C8orf34: variants seen among roughly 807,000 people sequenced by gnomAD.
C8orf34 encodes chromosome 8 open reading frame 34.
In C8orf34, 65 loss-of-function variants were observed where a neutral mutation model predicts 68.3. That is an observed-to-expected ratio of 0.95 (90% CI 0.78 to 1.17). The LOEUF (loss-of-function observed/expected upper bound fraction) is 1.17. Among genes scored for constraint, C8orf34 ranks in the 50% most tolerant of loss-of-function variants. C8orf34 has a pLI of 0.00. For synonymous variants in C8orf34, 244 were observed against 241.2 expected, an observed-to-expected ratio of 1.01 and a Z score of -0.11; for missense variants, 664 against 655.4, an observed-to-expected ratio of 1.01 and a Z score of -0.14.
intron 7 of C8orf34, among the ~76,000 whole-genome samples, chr8:68,637,076 C>T (rs1818868568): frequency 6.6e-6 from 1 of 152,036 alleles, no homozygotes; most frequent in South Asian, 2.1e-4. Context: ...TTCACTGATC[C>T]AAGTATAGCA....
intron 10 of C8orf34, among the ~76,000 whole-genome samples, chr8:68,772,080 G>C (rs1485462090): frequency 6.6e-6 from 1 of 152,150 alleles, no homozygotes; most frequent in African/African-American, 2.4e-5. Flanking sequence ...TCTTCCATGG[G>C]TTCCAAATAC....
At chr8:68,462,395 T>G (rs1211820286) in intron 3 of C8orf34, among the ~76,000 whole-genome samples, 2 of 151,854 alleles carry the variant, frequency 1.3e-5, no homozygotes, top group African/African-American at 2.4e-5. Context: ...GACAGAAAGT[T>G]AACAAGGATA....
At chr8:68,609,148 T>C (rs975948802) in intron 7 of C8orf34, among the ~76,000 whole-genome samples, 4 of 151,132 alleles carry the variant, frequency 2.6e-5, no homozygotes, top group African/African-American at 9.9e-5. Flanking sequence ...AACTCCAGCC[T>C]GGATGACAGA....
intron 5 of C8orf34, among the ~76,000 whole-genome samples, chr8:68,493,604 A>G (rs770829072): frequency 3.9e-5 from 6 of 152,186 alleles, no homozygotes; most frequent in Admixed American, 6.5e-5. Context: ...ATAAAATACC[A>G]TCTGTTATGG....
intron 3 of C8orf34, 59 bp downstream of exon 3, chr8:68,446,519 A>T (rs1176446293): frequency 6.5e-7 from 1 of 1,541,432 alleles, no homozygotes; most frequent in Non-Finnish European, 8.7e-7. Context: ...TTGTTAAGAA[A>T]ATGAAGAAAA....
At chr8:68,776,140 A>C (rs1024013804) in intron 10 of C8orf34, among the ~76,000 whole-genome samples, 4 of 152,238 alleles carry the variant, frequency 2.6e-5, no homozygotes, top group Non-Finnish European at 4.4e-5. Flanking sequence ...CGTCCTGCAC[A>C]TGTATTCCAG....
chr8:68,785,417 T>C (rs550960499), intron 11 of C8orf34, among the ~76,000 whole-genome samples: 1 of 48,838 alleles, frequency 2.0e-5, no homozygotes, highest in East Asian at 3.0e-4. Flanking sequence ...TTTACTTTAC[T>C]GTTTGTTCAT....
intron 1 of C8orf34, among the ~76,000 whole-genome samples, chr8:68,389,443 A>G (rs961625375): frequency 1.3e-5 from 2 of 152,288 alleles, no homozygotes; most frequent in Admixed American, 6.5e-5. Context: ...ATCCCAGTGC[A>G]TGTAGGAGAG....
chr8:68,626,021 A>G (rs1388952865), intron 7 of C8orf34, among the ~76,000 whole-genome samples: 2 of 152,186 alleles, frequency 1.3e-5, no homozygotes, highest in Admixed American at 1.3e-4. Flanking sequence ...AAATCTCAAT[A>G]TTAATAACAC....
At chr8:68,803,510 G>A (rs73283881) in intron 12 of C8orf34, among the ~76,000 whole-genome samples, 168 of 151,862 alleles carry the variant, frequency 1.1e-3, no homozygotes, top group African/African-American at 3.7e-3. Flanking sequence ...AAAAAAAAGC[G>A]TATTTCCAAA....
intron 5 of C8orf34, among the ~76,000 whole-genome samples, chr8:68,506,786 T>C (rs1043927819): frequency 6.6e-6 from 1 of 151,596 alleles, no homozygotes; most frequent in Non-Finnish European, 1.5e-5. Context: ...TTTCTTTTCT[T>C]CTAGAAGTTT....
At chr8:68,472,811 T>C (rs1431449850) in intron 4 of C8orf34, among the ~76,000 whole-genome samples, 1 of 152,156 alleles carries the variant, frequency 6.6e-6, no homozygotes, top group Admixed American at 6.5e-5. Flanking sequence ...ATTTTCGAGA[T>C]ATTTTATATT....
At chr8:68,516,678 T>C (rs1814533265) in intron 5 of C8orf34, among the ~76,000 whole-genome samples, 1 of 149,586 alleles carries the variant, frequency 6.7e-6, no homozygotes, top group Non-Finnish European at 1.5e-5. Context: ...AGTCTCTTTG[T>C]CACCCAGGCT....
intron 6 of C8orf34, among the ~76,000 whole-genome samples, chr8:68,532,712 G>A (rs933227484): frequency 6.6e-6 from 1 of 152,002 alleles, no homozygotes; most frequent in East Asian, 1.9e-4. Flanking sequence ...AAAATTCATC[G>A]AGTAGACTTT....
chr8:68,654,616 T>C (rs546120047), intron 8 of C8orf34, among the ~76,000 whole-genome samples: 1 of 152,290 alleles, frequency 6.6e-6, no homozygotes, highest in African/African-American at 2.4e-5. Context: ...ATCAAATATA[T>C]TGATTTACAT....
At chr8:68,815,311 G>A (rs1824775703) in intron 12 of C8orf34, among the ~76,000 whole-genome samples, 1 of 151,926 alleles carries the variant, frequency 6.6e-6, no homozygotes, top group Admixed American at 6.6e-5. Flanking sequence ...ATAATGCTAT[G>A]AACCAGACAA....
chr8:68,519,182 C>T (rs1237029618), intron 5 of C8orf34, among the ~76,000 whole-genome samples: 1 of 152,152 alleles, frequency 6.6e-6, no homozygotes, highest in Non-Finnish European at 1.5e-5. Context: ...ATGTATGAGA[C>T]CTTGACATTT....
At chr8:68,644,675 A>G (rs1224243000) in intron 8 of C8orf34, among the ~76,000 whole-genome samples, 1 of 152,196 alleles carries the variant, frequency 6.6e-6, no homozygotes, top group Non-Finnish European at 1.5e-5. Flanking sequence ...ATCCAGTGCC[A>G]AGAAGATACA....
intron 7 of C8orf34, chr8:68,625,562 A>T (rs1259566753): frequency 1.4e-6 from 1 of 698,716 alleles, no homozygotes; most frequent in Non-Finnish European, 2.6e-6. Context: ...GTGAATTCCA[A>T]GAAAGCAACA....
Sources: gnomAD v4.1 joint callset for allele counts (sites outside exome capture counted in the v4.1 genomes callset) on GRCh38, gnomAD v4.1.1 for gene constraint, MANE v1.5 for transcripts, NCBI Gene and HGNC (gene_info 2026-07-23, HGNC 2026-07-21) for gene names.